Variants in NFATC4 observed in about 807,000 individuals in gnomAD.
The protein encoded by NFATC4 is nuclear factor of activated T-cells, cytoplasmic 4.
NFATC4 carries 25 observed loss-of-function variants against 73.4 expected under a neutral mutation model. That is an observed-to-expected ratio of 0.34 (90% CI 0.25 to 0.48). The LOEUF (loss-of-function observed/expected upper bound fraction) is 0.48, where lower values mean the gene tolerates loss of function less well. NFATC4 is among the 20% of genes least tolerant of loss of function. NFATC4 has a pLI of 0.99. For missense variants in NFATC4, 1,130 were observed against 1,203.7 expected (o/e 0.94, Z 0.91); for synonymous variants, 523 against 510.3 (o/e 1.02, Z -0.34).
At position 24,370,426 on chromosome 14, in the gene NFATC4, G is replaced by C. The variant is rs749336968; in HGVS notation, c.1028G>C (p.Arg343Pro). Residue 343 changes from arginine to proline, a missense_variant, in exon 2 of 10, where the codon CGG (arginine) becomes CCG (proline). Coordinates refer to ENST00000250373, the MANE Select transcript of NFATC4 (RefSeq NM_004554.5). ...AGCGAGCAGGCAGTGGCTCTGCCTC[G>C]GTCTGAGGAGCCTGCCTCATGCAAT... ...TSSEQAVALP[R>P]SEEPASCNGK... 3 of 1,614,054 alleles carry C rather than the reference G, an allele frequency of 1.9e-6. No individual in the cohort carries two copies. Among genetic ancestry groups the C allele is most frequent in the South Asian group, 1.1e-5 (1 of 91,088 alleles).
chr14:24,378,550 G>A lies in NFATC4; in HGVS notation c.*845G>A, dbSNP rs533254669. ...GCCCCCATTCAGACACGCTGACTCAGGAGGTCCAGGCCTCTAAGGCTTCTC... is the reference window on the plus strand; with the variant it reads ...GCCCCCATTCAGACACGCTGACTCAAGAGGTCCAGGCCTCTAAGGCTTCTC... On this transcript the variant is annotated 3_prime_UTR_variant, in exon 10 of 10. Coordinates refer to ENST00000250373, the MANE Select transcript of NFATC4 (RefSeq NM_004554.5). 6.5e-6 allele frequency: 1 copy of A among 153,022 alleles called. No individual in the cohort carries two copies. The highest frequency in any genetic ancestry group is 1.5e-5 in the Non-Finnish European group (1 of 68,120). The allele number at this position is 153,022 out of a possible 1,614,324, so 9.5% of individuals were successfully genotyped here. A position where few individuals can be genotyped will look rare whatever the true frequency, so the allele number is the denominator to read the frequency against.
chr14:24,375,134 C>CA (rs1364974456), intron 6 of NFATC4, among the ~76,000 whole-genome samples: 2 of 152,200 alleles, frequency 1.3e-5, no homozygotes, highest in African/African-American at 4.8e-5. Flanking sequence ...CTCCTGGACT[C>CA]AAGTGATCCT....
chr14:24,368,110 G>T (rs2042355382), upstream of NFATC4: 1 of 1,182,556 alleles, frequency 8.5e-7, no homozygotes, highest in Non-Finnish European at 1.0e-6. Flanking sequence ...GAGCATCCCC[G>T]GCAGCCAATC....
At position 24,378,061 on chromosome 14, in the gene NFATC4, A is replaced by C. The variant is rs1240875076; in HGVS notation, c.*356A>C. On this transcript the variant is annotated 3_prime_UTR_variant, in exon 10 of 10. Coordinates refer to ENST00000250373, the MANE Select transcript of NFATC4 (RefSeq NM_004554.5). ...TAAACTGCTCAATGACCAGTGCTTC[A>C]GGCTCCAGAGCTCTTTGGAGAGATG... 3 of 308,430 alleles carry C rather than the reference A, an allele frequency of 9.7e-6. No homozygotes were observed. Among genetic ancestry groups the C allele is most frequent in the Non-Finnish European group, 1.9e-5 (3 of 161,174 alleles). The allele number at this position is 308,430 out of a possible 1,614,324, so 19.1% of individuals were successfully genotyped here. A position where few individuals can be genotyped will look rare whatever the true frequency, so the allele number is the denominator to read the frequency against.
upstream of NFATC4, chr14:24,367,710 C>T: frequency 5.3e-6 from 8 of 1,513,290 alleles, no homozygotes; most frequent in South Asian, 1.2e-5. Context: ...TGCCACTCTG[C>T]CCCCAGGACC....
At chr14:24,369,016 C>T (rs2042387577) in intron 1 of NFATC4, 6 of 1,281,944 alleles carry the variant, frequency 4.7e-6, no homozygotes, top group Non-Finnish European at 6.0e-6. Context: ...CCCTAGATGG[C>T]GAGGAGAGAG....
Position 24,374,308 on chromosome 14 carries a change from C to T in NFATC4, c.1733-18C>T, listed in dbSNP as rs2042554916. Reference sequence around the variant, plus strand: ...CATGCCCAGCCCAGCCAGTCCTCTTCCTTGCACTGCTCTGCAGCCCAGCGC... The same window carrying T: ...CATGCCCAGCCCAGCCAGTCCTCTTTCTTGCACTGCTCTGCAGCCCAGCGC... On this transcript the variant is annotated intron_variant, in intron 5 of 9. Coordinates refer to ENST00000250373, the MANE Select transcript of NFATC4 (RefSeq NM_004554.5). 3.1e-6 allele frequency: 5 copies of T among 1,601,564 alleles called. No individual in the cohort carries two copies. The highest frequency in any genetic ancestry group is 2.2e-5 in the South Asian group (2 of 88,910).
chr14:24,369,425 A>T (rs1288481100), intron 1 of NFATC4, 74 bp from the exon 2 acceptor site: 13 of 1,608,460 alleles, frequency 8.1e-6, no homozygotes, highest in Admixed American at 6.7e-5. Context: ...CGGCCTGGCC[A>T]CTCAAGGAAC....
At position 24,370,448 on chromosome 14, in the gene NFATC4, C is replaced by A; in HGVS notation, c.1050C>A (p.Cys350Ter). 1 of 1,614,172 alleles carries A rather than the reference C, an allele frequency of 6.2e-7. No homozygotes were observed. Among genetic ancestry groups the A allele is most frequent in the Non-Finnish European group, 8.5e-7 (1 of 1,180,030 alleles). The change falls in exon 2 of 10, where the codon TGC (cysteine) becomes TGA (stop). Residue 350 changes from cysteine to a stop codon, truncating the protein, a stop_gained. Transcript: ENST00000250373. LOFTEE classifies it high-confidence loss of function. Reference sequence around the variant, plus strand: ...CTCGGTCTGAGGAGCCTGCCTCATGCAATGGGAAGCTGCCCTTGGGAGCAG... The same window carrying A: ...CTCGGTCTGAGGAGCCTGCCTCATGAAATGGGAAGCTGCCCTTGGGAGCAG... Reference protein sequence around the residue: ...ALPRSEEPASCNGKLPLGAEE... With the variant: ...ALPRSEEPAS
At chr14:24,375,341 A>G (rs2042583364) in intron 6 of NFATC4, among the ~76,000 whole-genome samples, 1 of 152,034 alleles carries the variant, frequency 6.6e-6, no homozygotes, top group African/African-American at 2.4e-5. Context: ...CTTCCTTCTC[A>G]GCATTATCAT....
chr14:24,370,533 G>T lies in NFATC4; in HGVS notation c.1135G>T (p.Ala379Ser), dbSNP rs2042447380. 1 of 1,613,930 alleles carries T rather than the reference G, an allele frequency of 6.2e-7. No individual in the cohort carries two copies. Among genetic ancestry groups the T allele is most frequent in the Non-Finnish European group, 8.5e-7 (1 of 1,179,934 alleles). The part of the protein sequence containing the change: ...RKEVAGMDYL[A>S]VPSPLAWSKA... ...GGAGGTGGCTGGCATGGACTACCTG[G>T]CAGTGCCCTCCCCACTCGCTTGGTC... The change falls in exon 2 of 10, where the codon GCA becomes TCA. Residue 379 changes from alanine (A) to serine (S), a missense_variant. Around this residue, in one of 3 missense-constraint regions of NFATC4, gnomAD observed 585 missense variants for 574.3 expected, o/e 1.02. Coordinates refer to ENST00000250373, the MANE Select transcript of NFATC4 (RefSeq NM_004554.5).
At chr14:24,368,874 G>A (rs1239112924) in intron 1 of NFATC4, 4 of 196,268 alleles carry the variant, frequency 2.0e-5, no homozygotes, top group African/African-American at 7.0e-5. Context: ...CCCCCGTCTG[G>A]CCGCAATGAG....
At position 24,376,433 on chromosome 14, in the gene NFATC4, C is replaced by G. The variant is rs141569636; in HGVS notation, c.2196C>G (p.Cys732Trp). 6.2e-7 allele frequency: 1 copy of G among 1,613,778 alleles called. No individual in the cohort carries two copies. The highest frequency in any genetic ancestry group is 8.5e-7 in the Non-Finnish European group (1 of 1,179,886). The change falls in exon 9 of 10, where the codon TGC (cysteine) becomes TGG (tryptophan). Residue 732 changes from cysteine to tryptophan, a missense_variant. Coordinates refer to ENST00000250373, the MANE Select transcript of NFATC4 (RefSeq NM_004554.5). The surrounding 1 kb of genome is among the most constrained non-coding windows in gnomAD (Gnocchi z 5.0). ...CCTATCCCCATGAAGACCCTGCTTGCGAAACTCCTTACCTATCAGAAGGCT... is the reference window on the plus strand; with the variant it reads ...CCTATCCCCATGAAGACCCTGCTTGGGAAACTCCTTACCTATCAGAAGGCT... ...YPSYPHEDPA[C>W]ETPYLSEGFG...
Position 24,372,560 on chromosome 14 carries a change from G to A in NFATC4, c.1316G>A (p.Arg439His). The A allele has an allele frequency of 3.7e-6, 6 of 1,614,090 alleles. No homozygotes were observed. Among genetic ancestry groups the A allele is most frequent in the South Asian group, 1.1e-5 (1 of 91,090 alleles). Reference protein sequence around the residue: ...HRAHYETEGSRGAVKAAPGGH... With the variant: ...HRAHYETEGSHGAVKAAPGGH... ...GCCCACTATGAGACAGAAGGCAGCC[G>A]TGGAGCTGTCAAAGCTGCCCCTGGC... The change falls in exon 3 of 10, where the codon CGT becomes CAT. Residue 439 changes from arginine to histidine, a missense_variant. By Grantham distance (29) the Arg-to-His change is conservative. Transcript: ENST00000250373.
chr14:24,372,760 G>T, intron 3 of NFATC4, 157 bp downstream of exon 3: 1 of 866,254 alleles, frequency 1.2e-6, no homozygotes, highest in Non-Finnish European at 1.8e-6. Flanking sequence ...AGGGGTGCAA[G>T]GACCCGGATA....
chr14:24,372,734 C>T (rs1221492973), intron 3 of NFATC4, 131 bp downstream of exon 3: 2 of 1,222,968 alleles, frequency 1.6e-6, no homozygotes, highest in African/African-American at 1.5e-5. Flanking sequence ...GGGGGAGGGG[C>T]TGGAGTTGGG....
At chr14:24,367,514 C>T (rs534099547), upstream of NFATC4, 143 of 1,535,398 alleles carry the variant, frequency 9.3e-5, no homozygotes, top group African/African-American at 1.6e-3. Context: ...TTCTCAAAGC[C>T]TCTTTGGCTC....
rs200436811 is a variant in NFATC4, at chr14:24,374,396, C to T, written c.1803C>T (p.Gly601=). The change falls in exon 6 of 10, where the codon GGC becomes GGT. Residue 601 remains glycine, a synonymous_variant. Transcript: ENST00000250373. ...CCAGTGCCTGCTCTGTGAGAGGAGG[C>T]GAGGAACTGGTACTGACTGGCTCCA... The part of the protein sequence containing the change: ...YSPSACSVRG[G]EELVLTGSNF... 4.8e-5 allele frequency: 78 copies of T among 1,613,976 alleles called. No individual in the cohort carries two copies. The highest frequency in any genetic ancestry group is 1.8e-4 in the East Asian group (8 of 44,884).
At chr14:24,367,020 T>C, upstream of NFATC4, 1 of 1,613,030 alleles carries the variant, frequency 6.2e-7, no homozygotes, top group African/African-American at 1.3e-5. Flanking sequence ...ACGCGGCCTC[T>C]AAGAGAGGTT....
Sources: gnomAD v4.1 joint callset for allele counts (sites outside exome capture counted in the v4.1 genomes callset) on GRCh38, gnomAD v4.1.1 for gene constraint, gnomAD v4.1.1 regional missense constraint, Gnocchi (gnomAD v3.1) non-coding constraint, MANE v1.5 for transcripts, NCBI Gene and HGNC (gene_info 2026-07-23, HGNC 2026-07-21) for gene names.